Variants in SIK3 observed in about 807,000 individuals in gnomAD.
SIK3 encodes the protein SIK family kinase 3, also known as serine/threonine-protein kinase SIK3.
Under a neutral mutation model 144.2 loss-of-function variants are expected in SIK3, and 28 were observed. The observed-to-expected ratio is 0.19, with a 90% CI of 0.14 to 0.27. The LOEUF is 0.27. Ranked by LOEUF, SIK3 falls within the 10% of genes least tolerant of loss-of-function variation. The pLI, the probability that SIK3 is intolerant of heterozygous loss-of-function variation, is 1.00. For missense variants in SIK3, 1,319 were observed against 1,776.0 expected (o/e 0.74, Z 4.62); for synonymous variants, 686 against 676.3 (o/e 1.01, Z -0.22).
chr11:116,873,059 G>A (rs533054887), intron 13 of SIK3, among the ~76,000 whole-genome samples: 90 of 152,326 alleles, frequency 5.9e-4, no homozygotes, highest in Non-Finnish European at 1.2e-3. Context: ...GTTTATCAAT[G>A]GAGAAAGCAT....
Position 116,861,304 on chromosome 11 carries a change from G to A in SIK3, c.2395C>T (p.Pro799Ser), listed in dbSNP as rs368729211. 2.5e-6 allele frequency: 4 copies of A among 1,595,836 alleles called. No individual in the cohort carries two copies. The highest frequency in any genetic ancestry group is 2.6e-6 in the Non-Finnish European group (3 of 1,174,754). ...GGCTGGATCATGGCACTGCTCATGG[G>A]GGGAGGACTATTACTGGGCTGCCTG... ...LFRQPSNSPP[P>S]MSSAMIQPHG... The change falls in exon 19 of 25, where the codon CCC becomes TCC. Residue 799 changes from proline to serine, a missense_variant. Pro to Ser is a moderately conservative substitution (Grantham distance 74). Coordinates refer to ENST00000445177, the MANE Select transcript of SIK3 (RefSeq NM_001366686.3).
intron 15 of SIK3, among the ~76,000 whole-genome samples, chr11:116,865,254 G>T (rs939243368): frequency 1.1e-4 from 17 of 152,096 alleles, no homozygotes; most frequent in African/African-American, 3.6e-4. Flanking sequence ...CCCTCAGAAA[G>T]CCATGTTCTT....
At chr11:116,904,058 TTCC>T (rs1945884854) in intron 4 of SIK3, among the ~76,000 whole-genome samples, 1 of 152,228 alleles carries the variant, frequency 6.6e-6, no homozygotes, top group African/African-American at 2.4e-5. Flanking sequence ...TCTAAGTAAG[TTCC>T]TCCATTTCCT....
intron 22 of SIK3, among the ~76,000 whole-genome samples, chr11:116,848,110 C>T (rs1212429992): frequency 1.3e-5 from 2 of 152,064 alleles, no homozygotes; most frequent in Admixed American, 6.5e-5. Context: ...GTCAGGAGAT[C>T]GAGACCATCC....
In SIK3 at chr11:116,849,777, C is replaced by G. The variant is rs1437644158; in HGVS notation, c.3656-494G>C. The stretch of plus-strand genomic sequence containing the variant: ...TGATGGCCCCTCCACCCTTTCTAAG[C>G]AAGTACTCTCCACATTTTTGTCCTT... On this transcript the variant is annotated intron_variant, in intron 21 of 24. Coordinates refer to ENST00000445177, the MANE Select transcript of SIK3 (RefSeq NM_001366686.3). The surrounding 1 kb of genome is among the most constrained non-coding windows in gnomAD (Gnocchi z 4.2). Among the ~76,000 whole-genome samples, 1 of 152,162 alleles carries G rather than the reference C, an allele frequency of 6.6e-6. No homozygotes were observed. Among genetic ancestry groups the G allele is most frequent in the Non-Finnish European group, 1.5e-5 (1 of 68,034 alleles).
At chr11:117,028,449 C>T (rs1194478165) in intron 1 of SIK3, among the ~76,000 whole-genome samples, 1 of 151,996 alleles carries the variant, frequency 6.6e-6, no homozygotes, top group Non-Finnish European at 1.5e-5. Flanking sequence ...TTAACAACAA[C>T]AACAAAAGTA....
At chr11:116,878,733 T>C (rs1944393158) in intron 6 of SIK3, among the ~76,000 whole-genome samples, 1 of 152,234 alleles carries the variant, frequency 6.6e-6, no homozygotes, top group Non-Finnish European at 1.5e-5. Context: ...TTCTAGTTTT[T>C]GCACATGTTT....
chr11:117,025,762 G>A (rs1054402794), intron 1 of SIK3, among the ~76,000 whole-genome samples: 2 of 152,050 alleles, frequency 1.3e-5, no homozygotes, highest in Non-Finnish European at 1.5e-5. Context: ...TCTGCAGACT[G>A]CAGAGCATTA....
At chr11:116,994,201 A>T (rs1173083283) in intron 1 of SIK3, among the ~76,000 whole-genome samples, 1 of 152,234 alleles carries the variant, frequency 6.6e-6, no homozygotes, top group Non-Finnish European at 1.5e-5. Flanking sequence ...TTTGTAAGTA[A>T]CCAGTAACTG....
chr11:116,855,650 A>C (rs1432589880), intron 21 of SIK3: 1 of 152,300 alleles, frequency 6.6e-6, no homozygotes, highest in Non-Finnish European at 1.5e-5. Flanking sequence ...TGTTTGCTGC[A>C]GCTATGCTCC....
intron 3 of SIK3, among the ~76,000 whole-genome samples, chr11:116,952,689 CA>C (rs1379965310): frequency 6.6e-6 from 1 of 152,212 alleles, no homozygotes; most frequent in African/African-American, 2.4e-5. Flanking sequence ...CAGAGTTTTA[CA>C]GTTTCCATTC....
At chr11:116,884,376 C>G (rs571050206) in intron 6 of SIK3, among the ~76,000 whole-genome samples, 1 of 138,670 alleles carries the variant, frequency 7.2e-6, no homozygotes, top group African/African-American at 2.7e-5. Context: ...TTGATGGAGT[C>G]TCGCTCTGTC....
chr11:116,897,066 A>G, intron 5 of SIK3, 127 bp downstream of exon 5: 1 of 907,864 alleles, frequency 1.1e-6, no homozygotes, highest in Non-Finnish European at 1.6e-6. Context: ...AGGAATTGGG[A>G]CTTGAAAGAA....
intron 13 of SIK3, among the ~76,000 whole-genome samples, chr11:116,871,386 C>T (rs549343085): frequency 1.3e-5 from 2 of 152,288 alleles, no homozygotes; most frequent in South Asian, 4.1e-4. Flanking sequence ...GTGGAGTGAA[C>T]AGGGTGAGGC....
At chr11:116,923,309 T>G (rs1947103114) in intron 4 of SIK3, among the ~76,000 whole-genome samples, 1 of 152,252 alleles carries the variant, frequency 6.6e-6, no homozygotes, top group African/African-American at 2.4e-5. Flanking sequence ...ACATTTAAGA[T>G]ACTTTACCAA....
rs939696563 is a variant in SIK3 at position 117,011,836 on chromosome 11, G to C, written c.274-54772C>G. ...CTTTTAATTTTTTTTAATTAGGCATGGTGGCAGTACCTGTAGTCCCAACGA... is the reference window on the plus strand; with the variant it reads ...CTTTTAATTTTTTTTAATTAGGCATCGTGGCAGTACCTGTAGTCCCAACGA... On this transcript the variant is annotated intron_variant, in intron 1 of 24. Transcript: ENST00000445177. Among the ~76,000 whole-genome samples, 3 of 152,018 alleles carry C rather than the reference G, an allele frequency of 2.0e-5. No homozygotes were observed. In the East Asian group the frequency reaches 5.8e-4, roughly 29 times the overall value.
chr11:117,071,187 C>CAA lies in SIK3; in HGVS notation c.273+26954_273+26955dup, dbSNP rs767405441. Among the ~76,000 whole-genome samples, 24 of 105,086 alleles carry CAA rather than the reference C, an allele frequency of 2.3e-4. 1 individual carries two copies. The South Asian group carries it at 5.1e-3, about 22-fold the overall frequency. The allele number at this position is 105,086 out of a possible 152,430, so 68.9% of individuals were successfully genotyped here. On this transcript the variant is annotated intron_variant, in intron 1 of 24. Transcript: ENST00000445177. ...ATCAAAACCTTTGGGCTCAGTATTG[C>CAA]AAAAAAAAAAAAAATAACATGACAG...
intron 6 of SIK3, among the ~76,000 whole-genome samples, 173 bp from the exon 7 acceptor site, chr11:116,877,215 A>C (rs1457911398): frequency 6.6e-6 from 1 of 152,214 alleles, no homozygotes; most frequent in Non-Finnish European, 1.5e-5. Flanking sequence ...GAAGGGGCTA[A>C]GCAAAGGCAG....
chr11:116,892,481 C>T (rs1028512734), intron 6 of SIK3, among the ~76,000 whole-genome samples: 1 of 152,198 alleles, frequency 6.6e-6, no homozygotes, highest in Non-Finnish European at 1.5e-5. Flanking sequence ...CATCCTCATA[C>T]ATCATTAGAG....
Sources: gnomAD v4.1 joint callset for allele counts (sites outside exome capture counted in the v4.1 genomes callset) on GRCh38, gnomAD v4.1.1 for gene constraint, Gnocchi (gnomAD v3.1) non-coding constraint, MANE v1.5 for transcripts, NCBI Gene and HGNC (gene_info 2026-07-23, HGNC 2026-07-21) for gene names.